The following LCLAT1 variants were observed in gnomAD, a reference collection of about 807,000 sequenced individuals.
LCLAT1 encodes 1-AGP acyltransferase 8.
In LCLAT1, 11 loss-of-function variants were observed where a neutral mutation model predicts 30.7. That is an observed-to-expected ratio of 0.36 (90% CI 0.23 to 0.59). The LOEUF (loss-of-function observed/expected upper bound fraction) is 0.59. Among genes scored for constraint, LCLAT1 ranks in the 20% least tolerant of loss-of-function variants. The pLI, the probability that LCLAT1 is intolerant of heterozygous loss-of-function variation, is 0.77. For synonymous variants in LCLAT1, 155 were observed against 151.3 expected (o/e 1.02, Z -0.18); for missense variants, 402 against 458.6 (o/e 0.88, Z 1.13).
At position 30,533,310 on chromosome 2, in the gene LCLAT1, A is replaced by G. The variant is rs1686072636; in HGVS notation, c.360A>G (p.Gly120=). ...AAGCGAGTCTCAAAGGTGTTCCTGGATTTGGTAGGTTATTCACACATTATT... is the reference window on the plus strand; with the variant it reads ...AAGCGAGTCTCAAAGGTGTTCCTGGGTTTGGTAGGTTATTCACACATTATT... ...CLKASLKGVP[G]FGWAMQAAAY... The change falls in exon 3 of 6, where the codon GGA becomes GGG. Residue 120 remains glycine, a synonymous_variant. Transcript: ENST00000379509. 1.4e-5 allele frequency: 22 copies of G among 1,613,500 alleles called. No individual in the cohort carries two copies. Among genetic ancestry groups the G allele is most frequent in the Non-Finnish European group, 1.8e-5 (21 of 1,179,490 alleles).
intron 3 of LCLAT1, among the ~76,000 whole-genome samples, chr2:30,544,292 G>A (rs558538051): frequency 1.3e-5 from 2 of 152,190 alleles, no homozygotes; most frequent in South Asian, 4.2e-4. Flanking sequence ...TGACCGATAG[G>A]GTCTTAACTC....
At chr2:30,626,066 T>TGGC (rs1668494521) in intron 5 of LCLAT1, among the ~76,000 whole-genome samples, 1 of 152,216 alleles carries the variant, frequency 6.6e-6, no homozygotes, top group Non-Finnish European at 1.5e-5. Flanking sequence ...GAATAATGCC[T>TGGC]GGCACATCAG....
intron 3 of LCLAT1, among the ~76,000 whole-genome samples, chr2:30,554,927 G>GA (rs1331036161): frequency 6.6e-6 from 1 of 151,134 alleles, no homozygotes; most frequent in Non-Finnish European, 1.5e-5. Flanking sequence ...TGAATGAAGA[G>GA]AAAAAAATAT....
At position 30,532,947 on chromosome 2, in the gene LCLAT1, A is replaced by G. The variant is rs111787622; in HGVS notation, c.166-169A>G. Reference sequence around the variant, plus strand: ...AATAGAAATAGTGCTTGATATTCTCATTCTTCTAGATAACCTCACCACTCA... The same window carrying G: ...AATAGAAATAGTGCTTGATATTCTCGTTCTTCTAGATAACCTCACCACTCA... On this transcript the variant is annotated intron_variant, in intron 2 of 5. Coordinates refer to ENST00000379509, the MANE Select transcript of LCLAT1 (RefSeq NM_001002257.3). 1.0e-3 allele frequency among the ~76,000 whole-genome samples: 156 copies of G among 152,310 alleles called. 1 individual carries two copies. The highest frequency in any genetic ancestry group is 3.7e-3 in the African/African-American group (154 of 41,576).
chr2:30,636,948 A>C (rs1315957232), intron 5 of LCLAT1, among the ~76,000 whole-genome samples: 1 of 152,186 alleles, frequency 6.6e-6, no homozygotes, highest in Non-Finnish European at 1.5e-5. Flanking sequence ...GGCTGTTGTG[A>C]AAGGTGATAC....
At position 30,588,160 on chromosome 2, in the gene LCLAT1, G is replaced by A. The variant is rs557951440; in HGVS notation, c.628+19984G>A. ...CAGAAACATTGCTTCGCTGCCTAGGGCATGGCTCTGTGTGCTCCTGACGTT... is the reference window on the plus strand; with the variant it reads ...CAGAAACATTGCTTCGCTGCCTAGGACATGGCTCTGTGTGCTCCTGACGTT... On this transcript the variant is annotated intron_variant, in intron 5 of 5. Transcript: ENST00000379509. Among the ~76,000 whole-genome samples the A allele has an allele frequency of 2.0e-5, 3 of 152,336 alleles. No homozygotes were observed. In the East Asian group the frequency reaches 5.8e-4, roughly 29 times the overall value.
chr2:30,614,723 G>C (rs925515708), intron 5 of LCLAT1, among the ~76,000 whole-genome samples: 1 of 152,126 alleles, frequency 6.6e-6, no homozygotes, highest in South Asian at 2.1e-4. Context: ...CATTTGGTAG[G>C]CATGACCACA....
chr2:30,552,835 T>TA (rs1171343370), intron 3 of LCLAT1, among the ~76,000 whole-genome samples: 1 of 152,234 alleles, frequency 6.6e-6, no homozygotes, highest in Non-Finnish European at 1.5e-5. Flanking sequence ...ATCTTTGTGA[T>TA]AAAAGTTTAT....
intron 5 of LCLAT1, among the ~76,000 whole-genome samples, chr2:30,633,123 C>T (rs1216246413): frequency 6.6e-6 from 1 of 152,172 alleles, no homozygotes; most frequent in African/African-American, 2.4e-5. Flanking sequence ...TGTACTGTTA[C>T]ATGTCCATGT....
At chr2:30,504,505 T>A (rs1247598285) in intron 1 of LCLAT1, among the ~76,000 whole-genome samples, 1 of 144,476 alleles carries the variant, frequency 6.9e-6, no homozygotes, top group Admixed American at 6.9e-5. Context: ...ATTTATGTTT[T>A]CAGTCTTTCT....
chr2:30,502,119 G>A (rs958594293), intron 1 of LCLAT1, among the ~76,000 whole-genome samples: 1 of 152,080 alleles, frequency 6.6e-6, no homozygotes, highest in African/African-American at 2.4e-5. Context: ...CACTATGCAG[G>A]GACAGCCATT....
At chr2:30,553,133 A>G (rs1044694730) in intron 3 of LCLAT1, among the ~76,000 whole-genome samples, 3 of 152,160 alleles carry the variant, frequency 2.0e-5, no homozygotes, top group African/African-American at 7.2e-5. Flanking sequence ...TTACTCAGTT[A>G]ACTATATTCA....
At chr2:30,537,932 T>G (rs1663872141) in intron 3 of LCLAT1, among the ~76,000 whole-genome samples, 1 of 152,056 alleles carries the variant, frequency 6.6e-6, no homozygotes, top group Admixed American at 6.5e-5. Flanking sequence ...AGAGGAAATT[T>G]GGAAACTGTA....
chr2:30,478,682 G>T, intron 1 of LCLAT1, among the ~76,000 whole-genome samples: 1 of 115,678 alleles, frequency 8.6e-6, no homozygotes, highest in South Asian at 3.4e-4. Context: ...TAAATAAATA[G>T]ATAGATAGGT....
chr2:30,593,639 A>G (rs1177303433), intron 5 of LCLAT1, among the ~76,000 whole-genome samples: 3 of 152,318 alleles, frequency 2.0e-5, no homozygotes, highest in East Asian at 1.9e-4. Flanking sequence ...TGCTTTGGGT[A>G]ATACTACTAG....
chr2:30,539,217 G>A (rs1034974616), intron 3 of LCLAT1, among the ~76,000 whole-genome samples: 1 of 148,514 alleles, frequency 6.7e-6, no homozygotes, highest in African/African-American at 2.5e-5. Flanking sequence ...CCAAAGTGCT[G>A]GGATTACAGG....
chr2:30,481,741 A>G (rs1434890015), intron 1 of LCLAT1, among the ~76,000 whole-genome samples: 1 of 152,154 alleles, frequency 6.6e-6, no homozygotes, highest in Non-Finnish European at 1.5e-5. Context: ...GGGAATGGGA[A>G]GTGAGGAAGC....
intron 5 of LCLAT1, among the ~76,000 whole-genome samples, chr2:30,610,925 G>T (rs1480742379): frequency 6.6e-6 from 1 of 151,592 alleles, no homozygotes; most frequent in Non-Finnish European, 1.5e-5. Flanking sequence ...TACCATCCTT[G>T]TGCTTTTCTT....
intron 5 of LCLAT1, among the ~76,000 whole-genome samples, chr2:30,619,692 G>A (rs188667478): frequency 1.3e-5 from 2 of 152,160 alleles, no homozygotes; most frequent in African/African-American, 4.8e-5. Context: ...CATGCCAAAT[G>A]CAGCAAGAAT....
Sources: allele counts gnomAD v4.1 joint callset (sites outside exome capture counted in the v4.1 genomes callset), GRCh38; gene constraint gnomAD v4.1.1; transcripts MANE v1.5; gene names NCBI Gene and HGNC (gene_info 2026-07-23, HGNC 2026-07-21).